Variants in EFR3A observed in about 807,000 individuals in gnomAD.
EFR3A encodes the protein protein EFR3 homolog A.
In EFR3A, 76 loss-of-function variants were observed where a neutral mutation model predicts 104.4. The ratio of observed to expected loss-of-function variants is 0.73; its 90% CI spans 0.60 to 0.88. EFR3A has a LOEUF of 0.88. EFR3A is among the 40% of genes least tolerant of loss of function. The pLI is 0.00. For missense variants in EFR3A, 985 were observed against 1,012.5 expected, an observed-to-expected ratio of 0.97 and a Z score of 0.37; for synonymous variants, 330 against 330.0, an observed-to-expected ratio of 1.00 and a Z score of 0.00.
chr8:131,973,248 G>A (rs1252616301), intron 10 of EFR3A, among the ~76,000 whole-genome samples: 1 of 151,718 alleles, frequency 6.6e-6, no homozygotes, highest in East Asian at 1.9e-4. Flanking sequence ...AAGACAGTTA[G>A]TATTAATATA....
Position 131,944,815 on chromosome 8 carries a change from G to C in EFR3A, c.158G>C (p.Arg53Pro). 1 of 1,610,118 alleles carries C rather than the reference G, an allele frequency of 6.2e-7. No homozygotes were observed. The highest frequency in any genetic ancestry group is 8.5e-7 in the Non-Finnish European group (1 of 1,178,052). Residue 53 changes from arginine (R) to proline (P), a missense_variant, in exon 3 of 23, where the codon CGA becomes CCA. Transcript: ENST00000254624. ...YAVSAPEKLD[R>P]IGSYLAERLS... ...GTATCTGCTCCAGAGAAACTGGATC[G>C]AATTGGTTCTTACCTGGCAGAAAGG...
intron 7 of EFR3A, among the ~76,000 whole-genome samples, chr8:131,957,919 G>A (rs1480230707): frequency 3.3e-5 from 5 of 152,140 alleles, no homozygotes; most frequent in Non-Finnish European, 7.3e-5. Context: ...AAAATGTTTA[G>A]GCTATACTGT....
intron 1 of EFR3A, among the ~76,000 whole-genome samples, chr8:131,913,239 A>G (rs1412614965): frequency 2.7e-5 from 4 of 150,642 alleles, no homozygotes; most frequent in African/African-American, 9.8e-5. Flanking sequence ...TTAATATGTC[A>G]GACATGTCAA....
At chr8:131,925,585 A>T (rs1467952671) in intron 1 of EFR3A, among the ~76,000 whole-genome samples, 4 of 152,176 alleles carry the variant, frequency 2.6e-5, no homozygotes, top group African/African-American at 9.7e-5. Context: ...TGATACAAAT[A>T]TACTGGCTTC....
At position 131,934,300 on chromosome 8, in the gene EFR3A, GTC is replaced by G. The variant is rs1817764758; in HGVS notation, c.11-6195_11-6194del. On this transcript the variant is annotated intron_variant, in intron 1 of 22. Transcript: ENST00000254624. ...CATTTGATTACAGTTGTCCTTCACT[GTC>G]TCTAGTTTATTCCTGTAGTTCAGTC... Among the ~76,000 whole-genome samples, 4 of 152,184 alleles carry G rather than the reference GTC, an allele frequency of 2.6e-5. 1 individual carries two copies. In the South Asian group the frequency reaches 8.3e-4, roughly 32 times the overall value.
intron 18 of EFR3A, among the ~76,000 whole-genome samples, chr8:131,995,781 GCA>G (rs1821446598): frequency 6.6e-6 from 1 of 152,156 alleles, no homozygotes; most frequent in Non-Finnish European, 1.5e-5. Flanking sequence ...ATTAGCTAGA[GCA>G]CTCAGGTAAA....
At chr8:131,999,584 AGAG>A (rs983794881) in intron 19 of EFR3A, among the ~76,000 whole-genome samples, 9 of 152,076 alleles carry the variant, frequency 5.9e-5, no homozygotes, top group African/African-American at 2.2e-4. Context: ...TTCCCTCTAT[AGAG>A]TTGGAACAGA....
At chr8:131,969,938 G>A (rs547334923) in intron 9 of EFR3A, among the ~76,000 whole-genome samples, 1 of 152,278 alleles carries the variant, frequency 6.6e-6, no homozygotes, top group South Asian at 2.1e-4. Flanking sequence ...GACAGAAGCA[G>A]TGATAGAAAC....
At chr8:131,975,309 A>G (rs7836048) in intron 10 of EFR3A, among the ~76,000 whole-genome samples, 6,739 of 152,144 alleles carry the variant, frequency 0.044, 348 homozygotes, top group East Asian at 0.12. Context: ...TTACCAGACA[A>G]TGTGTGGCCT....
intron 1 of EFR3A, among the ~76,000 whole-genome samples, chr8:131,937,956 G>A (rs1240001103): frequency 6.6e-6 from 1 of 151,912 alleles, no homozygotes; most frequent in African/African-American, 2.4e-5. Flanking sequence ...TATTTAACCT[G>A]TATGAAAAAC....
At chr8:131,935,415 A>C (rs1178085182) in intron 1 of EFR3A, 1 of 351,288 alleles carries the variant, frequency 2.8e-6, no homozygotes, top group Non-Finnish European at 5.7e-6. Flanking sequence ...TATGTAAACG[A>C]GCAGTAGATT....
intron 8 of EFR3A, among the ~76,000 whole-genome samples, chr8:131,961,034 A>G (rs1038183460): frequency 6.6e-6 from 1 of 152,216 alleles, no homozygotes; most frequent in Non-Finnish European, 1.5e-5. Flanking sequence ...ACAAACAGAA[A>G]GGACATCCAC....
chr8:131,971,435 T>C (rs539343522), intron 10 of EFR3A, among the ~76,000 whole-genome samples: 64 of 152,172 alleles, frequency 4.2e-4, no homozygotes, highest in Non-Finnish European at 7.1e-4. Context: ...ACACCTGTAA[T>C]CCCAGCACTT....
intron 20 of EFR3A, 60 bp from the exon 21 acceptor site, chr8:132,002,543 T>A (rs891851724): frequency 2.4e-5 from 33 of 1,396,812 alleles, no homozygotes; most frequent in Non-Finnish European, 2.9e-5. Context: ...TAACGGTCAT[T>A]GACTGGGTTC....
At chr8:132,001,994 G>A (rs1339234890) in intron 20 of EFR3A, among the ~76,000 whole-genome samples, 187 bp downstream of exon 20, 1 of 151,932 alleles carries the variant, frequency 6.6e-6, no homozygotes, top group Non-Finnish European at 1.5e-5. Flanking sequence ...GTCCCTTCAG[G>A]GTCATATTCC....
chr8:131,976,975 A>G (rs886862676), intron 11 of EFR3A, 66 bp from the exon 12 acceptor site: 2 of 1,089,780 alleles, frequency 1.8e-6, no homozygotes, highest in Non-Finnish European at 1.3e-6. Context: ...TAAAATCAGT[A>G]ATTGAAGTAA....
At chr8:131,912,897 T>G (rs1308253099) in intron 1 of EFR3A, among the ~76,000 whole-genome samples, 1 of 152,052 alleles carries the variant, frequency 6.6e-6, no homozygotes, top group Non-Finnish European at 1.5e-5. Context: ...TGCTATCATG[T>G]AAAAATCTGT....
chr8:131,943,415 G>A (rs1818261905), intron 2 of EFR3A, among the ~76,000 whole-genome samples: 1 of 151,974 alleles, frequency 6.6e-6, no homozygotes, highest in Non-Finnish European at 1.5e-5. Context: ...TTTCAATGAT[G>A]ATGTGGAGGA....
At chr8:131,916,149 G>T (rs1258932799) in intron 1 of EFR3A, among the ~76,000 whole-genome samples, 1 of 152,180 alleles carries the variant, frequency 6.6e-6, no homozygotes, top group African/African-American at 2.4e-5. Context: ...GTGAATCAAA[G>T]AAATGTAATA....
Sources: gnomAD v4.1 joint callset for allele counts (sites outside exome capture counted in the v4.1 genomes callset) on GRCh38, gnomAD v4.1.1 for gene constraint, MANE v1.5 for transcripts, NCBI Gene and HGNC (gene_info 2026-07-23, HGNC 2026-07-21) for gene names.